LMNTD1: variants seen among roughly 807,000 people sequenced by gnomAD.
The protein encoded by LMNTD1 is lamin tail domain-containing protein 1.
In LMNTD1, 35 loss-of-function variants were observed where a neutral mutation model predicts 50.9. The observed-to-expected ratio is 0.69, with a 90% confidence interval of 0.53 to 0.91. The LOEUF (loss-of-function observed/expected upper bound fraction) is 0.91. Among genes scored for constraint, LMNTD1 ranks in the 40% least tolerant of loss-of-function variants. The probability of loss-of-function intolerance (pLI) is 0.00; values close to 1 mark genes in which losing one functional copy is unlikely to be tolerated. For missense variants in LMNTD1, 470 were observed against 475.5 expected, an observed-to-expected ratio of 0.99 and a Z score of 0.11; for synonymous variants, 153 against 161.9, an observed-to-expected ratio of 0.94 and a Z score of 0.42.
chr12:25,535,816 T>C (rs1007610870), intron 4 of LMNTD1, among the ~76,000 whole-genome samples: 1 of 152,116 alleles, frequency 6.6e-6, no homozygotes, highest in African/African-American at 2.4e-5. Flanking sequence ...GTCTCAACTA[T>C]ATGCTACCTA....
intron 1 of LMNTD1, among the ~76,000 whole-genome samples, chr12:25,565,006 T>G (rs568146858): frequency 5.9e-5 from 9 of 152,344 alleles, no homozygotes; most frequent in African/African-American, 1.9e-4. Flanking sequence ...CTTATAGATT[T>G]TCTCTTGAAA....
intron 8 of LMNTD1, among the ~76,000 whole-genome samples, chr12:25,515,434 C>A (rs1358302965): frequency 6.6e-6 from 1 of 151,688 alleles, no homozygotes; most frequent in African/African-American, 2.4e-5. Context: ...TAAAAATACA[C>A]AAATTATTTT....
At position 25,632,364 on chromosome 12, in the gene LMNTD1, A is replaced by G. The variant is rs1257331299; in HGVS notation, c.58+16130T>C. Reference sequence around the variant, plus strand: ...TGTCATCAGGTTATCCAGAGTTAAGACGAAGGAATCAATCTTAAGAGCTGT... The same window carrying G: ...TGTCATCAGGTTATCCAGAGTTAAGGCGAAGGAATCAATCTTAAGAGCTGT... On this transcript the variant is annotated intron_variant, in intron 1 of 7. Coordinates refer to the LMNTD1 transcript ENST00000445693. Among the ~76,000 whole-genome samples, 5 of 152,352 alleles carry G rather than the reference A, an allele frequency of 3.3e-5. No homozygotes were observed. In the South Asian group the frequency reaches 1.0e-3, roughly 32 times the overall value.
intron 1 of LMNTD1, among the ~76,000 whole-genome samples, chr12:25,605,235 T>C (rs1435276620): frequency 6.6e-6 from 1 of 152,218 alleles, no homozygotes. Context: ...TTGTAGATTC[T>C]GGATATTAGC....
At chr12:25,592,233 C>T (rs1184075572) in intron 1 of LMNTD1, among the ~76,000 whole-genome samples, 2 of 152,170 alleles carry the variant, frequency 1.3e-5, no homozygotes, top group Non-Finnish European at 2.9e-5. Flanking sequence ...TAGATTGCAG[C>T]TCCCAGTTGA....
chr12:25,600,448 A>C (rs1179149260), intron 1 of LMNTD1, among the ~76,000 whole-genome samples: 1 of 151,830 alleles, frequency 6.6e-6, no homozygotes, highest in Non-Finnish European at 1.5e-5. Flanking sequence ...ATGGACAAAG[A>C]GGATCAAATC....
upstream of LMNTD1, among the ~76,000 whole-genome samples, chr12:25,553,515 T>C (rs73298463): frequency 0.013 from 1,966 of 152,256 alleles, 36 homozygotes; most frequent in African/African-American, 0.045. Flanking sequence ...AGTATGTACA[T>C]ACTGGGGAAA....
At chr12:25,645,690 C>T (rs1230526562) in intron 1 of LMNTD1, among the ~76,000 whole-genome samples, 1 of 152,224 alleles carries the variant, frequency 6.6e-6, no homozygotes, top group Non-Finnish European at 1.5e-5. Context: ...GGGCCTGCTT[C>T]AAACCCAGCC....
chr12:25,511,816 C>T (rs1940320371), intron 8 of LMNTD1, among the ~76,000 whole-genome samples: 1 of 152,188 alleles, frequency 6.6e-6, no homozygotes, highest in African/African-American at 2.4e-5. Context: ...ACTTATATTT[C>T]AGTCGGATAC....
At chr12:25,532,779 G>A (rs1250582369) in intron 4 of LMNTD1, among the ~76,000 whole-genome samples, 1 of 152,074 alleles carries the variant, frequency 6.6e-6, no homozygotes, top group Admixed American at 6.5e-5. Context: ...AATTTTGGAT[G>A]TAGCATTTTA....
intron 9 of LMNTD1, among the ~76,000 whole-genome samples, chr12:25,489,768 G>A (rs1167858147): frequency 6.6e-6 from 1 of 152,106 alleles, no homozygotes; most frequent in Non-Finnish European, 1.5e-5. Context: ...AAATAAAAAG[G>A]TGAATGACGA....
At chr12:25,541,935 A>G (rs1435486648) in intron 4 of LMNTD1, among the ~76,000 whole-genome samples, 16 of 152,114 alleles carry the variant, frequency 1.1e-4, no homozygotes, top group Non-Finnish European at 1.9e-4. Context: ...ACTTCTCAAA[A>G]GAAGACATTT....
chr12:25,616,626 C>T (rs537565962), intron 1 of LMNTD1, among the ~76,000 whole-genome samples: 2 of 152,266 alleles, frequency 1.3e-5, no homozygotes, highest in Admixed American at 1.3e-4. Context: ...TGATATTGTA[C>T]TGCAGTTTTG....
chr12:25,576,434 A>C (rs1945022575), intron 1 of LMNTD1, among the ~76,000 whole-genome samples: 1 of 152,166 alleles, frequency 6.6e-6, no homozygotes, highest in Non-Finnish European at 1.5e-5. Flanking sequence ...CATTTCTCTG[A>C]TGGCCAGTGA....
chr12:25,565,456 A>C (rs1467317982), intron 1 of LMNTD1, among the ~76,000 whole-genome samples: 6 of 152,226 alleles, frequency 3.9e-5, no homozygotes, highest in Non-Finnish European at 8.8e-5. Flanking sequence ...CCTAACAAGC[A>C]AAAAGAAAAC....
At chr12:25,580,813 C>T (rs1031001100) in intron 1 of LMNTD1, among the ~76,000 whole-genome samples, 2 of 152,038 alleles carry the variant, frequency 1.3e-5, no homozygotes, top group Non-Finnish European at 2.9e-5. Flanking sequence ...TCAGACAAAC[C>T]GGAAATTGAA....
At chr12:25,578,684 T>C (rs965990289) in intron 1 of LMNTD1, among the ~76,000 whole-genome samples, 2 of 152,196 alleles carry the variant, frequency 1.3e-5, no homozygotes, top group Non-Finnish European at 2.9e-5. Flanking sequence ...ATTGAATTTT[T>C]ATGTGCAGCC....
chr12:25,594,282 T>A (rs1465480452), intron 1 of LMNTD1, among the ~76,000 whole-genome samples: 1 of 152,056 alleles, frequency 6.6e-6, no homozygotes, highest in African/African-American at 2.4e-5. Flanking sequence ...AAAGTTAAGA[T>A]AAAGGAAAGA....
At chr12:25,538,893 T>C (rs1162016308) in intron 4 of LMNTD1, among the ~76,000 whole-genome samples, 4 of 133,064 alleles carry the variant, frequency 3.0e-5, no homozygotes, top group African/African-American at 5.6e-5. Flanking sequence ...ACCAAGCAAA[T>C]GGAAAACAAA....
Sources: allele counts gnomAD v4.1 joint callset (sites outside exome capture counted in the v4.1 genomes callset), GRCh38; gene constraint gnomAD v4.1.1; transcripts MANE v1.5; gene names NCBI Gene and HGNC (gene_info 2026-07-23, HGNC 2026-07-21).